The following PTPRM variants were observed in gnomAD, a reference collection of about 807,000 sequenced individuals.
PTPRM encodes receptor-type tyrosine-protein phosphatase mu.
Under a neutral mutation model 186.7 loss-of-function variants are expected in PTPRM, and 47 were observed. The ratio of observed to expected loss-of-function variants is 0.25; its 90% CI spans 0.20 to 0.32. PTPRM has a LOEUF of 0.32. Ranked by LOEUF, PTPRM falls within the 10% of genes least tolerant of loss-of-function variation. PTPRM has a pLI of 1.00. For missense variants in PTPRM, 1,494 were observed against 1,865.0 expected, an observed-to-expected ratio of 0.80 and a Z score of 3.66; for synonymous variants, 668 against 674.9, an observed-to-expected ratio of 0.99 and a Z score of 0.16.
intron 1 of PTPRM, among the ~76,000 whole-genome samples, chr18:7,634,425 A>C (rs770187935): frequency 8.5e-5 from 13 of 152,272 alleles, no homozygotes; most frequent in Non-Finnish European, 1.6e-4. Context: ...CAGGAACCCT[A>C]GCTACACCCA....
At chr18:8,015,817 C>T (rs1287676348) in intron 7 of PTPRM, among the ~76,000 whole-genome samples, 2 of 152,194 alleles carry the variant, frequency 1.3e-5, no homozygotes, top group South Asian at 2.1e-4. Context: ...CTCCCCATCC[C>T]ACACACACAA....
rs1555676946 is a variant in PTPRM, at chr18:7,984,602, T to TACACAC, written c.1132+29210_1132+29215dup. 2.0e-3 allele frequency among the ~76,000 whole-genome samples: 171 copies of TACACAC among 87,144 alleles called. 2 individuals are homozygous for TACACAC. Among genetic ancestry groups the TACACAC allele is most frequent in the African/African-American group, 7.6e-3 (155 of 20,352 alleles). 57.2% of individuals were successfully genotyped at this position (87,144 alleles called of 152,430 possible). The stretch of plus-strand genomic sequence containing the variant: ...ATATATATATATATATATATATATA[T>TACACAC]ACACACACACACACACACACACACA... On this transcript the variant is annotated intron_variant, in intron 7 of 32. Transcript: ENST00000580170.
At chr18:7,726,237 C>T (rs776778513) in intron 1 of PTPRM, among the ~76,000 whole-genome samples, 3 of 152,124 alleles carry the variant, frequency 2.0e-5, no homozygotes, top group East Asian at 3.9e-4. Context: ...ATTTCTCTAA[C>T]GACTAATGAT....
intron 5 of PTPRM, among the ~76,000 whole-genome samples, chr18:7,936,150 G>C (rs1184505590): frequency 6.6e-6 from 1 of 152,166 alleles, no homozygotes; most frequent in African/African-American, 2.4e-5. Context: ...CTGCTGAGCT[G>C]GCAGGGCAGG....
chr18:7,584,169 A>T (rs796344997), intron 1 of PTPRM, among the ~76,000 whole-genome samples: 8 of 152,376 alleles, frequency 5.3e-5, no homozygotes, highest in African/African-American at 1.9e-4. Context: ...TAACAAAAGT[A>T]GAATAAGTGA....
intron 1 of PTPRM, among the ~76,000 whole-genome samples, chr18:7,706,576 T>G (rs1161289395): frequency 8.7e-6 from 1 of 115,006 alleles, no homozygotes; most frequent in Non-Finnish European, 1.6e-5. Context: ...CACTCCAGCC[T>G]GGATGACAGA....
At chr18:8,211,344 G>C (rs1444465063) in intron 14 of PTPRM, among the ~76,000 whole-genome samples, 1 of 150,924 alleles carries the variant, frequency 6.6e-6, no homozygotes, top group East Asian at 1.9e-4. Flanking sequence ...GAGAACCTTG[G>C]GGAATTGGGG....
chr18:7,593,881 G>A (rs1345491183), intron 1 of PTPRM, among the ~76,000 whole-genome samples: 1 of 152,190 alleles, frequency 6.6e-6, no homozygotes, highest in Non-Finnish European at 1.5e-5. Flanking sequence ...GTTTACAAAT[G>A]TGGAGACCAA....
rs57751538 is a variant in PTPRM, at chr18:8,126,027, A to ATATATTTTTTTTT, written c.2167+11201_2167+11202insATATTTTTTTTTT. 1.1e-3 allele frequency among the ~76,000 whole-genome samples: 79 copies of ATATATTTTTTTTT among 69,474 alleles called. 3 individuals are homozygous for ATATATTTTTTTTT. The highest frequency in any genetic ancestry group is 1.7e-3 in the East Asian group (3 of 1,816). 45.6% of individuals were successfully genotyped at this position (69,474 alleles called of 152,430 possible). ...TATATATATATATATATATATATAT[A>ATATATTTTTTTTT]TTTTAAATCAGTAGACCTTTCCATT... On this transcript the variant is annotated intron_variant, in intron 13 of 32. Coordinates refer to ENST00000580170, the MANE Select transcript of PTPRM (RefSeq NM_001105244.2).
chr18:7,722,055 A>G (rs760662382), intron 1 of PTPRM, among the ~76,000 whole-genome samples: 5 of 152,188 alleles, frequency 3.3e-5, no homozygotes, highest in Non-Finnish European at 7.4e-5. Context: ...TGTATATGCT[A>G]TGGGGTTTGA....
rs114466236 is a variant in PTPRM, at chr18:7,773,417, A to G, written c.74-732A>G. ...TCTTTTTTCATTTTTTGGACAAATT[A>G]TAAATGTTTCTTCTTTATTGAAAAC... is the stretch of plus-strand genomic sequence containing the variant. On this transcript the variant is annotated intron_variant, in intron 1 of 32. Coordinates refer to ENST00000580170, the MANE Select transcript of PTPRM (RefSeq NM_001105244.2). Among the ~76,000 whole-genome samples the G allele has an allele frequency of 2.1e-3, 327 of 152,270 alleles. 1 individual carries two copies. The highest frequency in any genetic ancestry group is 6.9e-3 in the African/African-American group (287 of 41,574).
chr18:8,245,047 C>T (rs1412281544), intron 15 of PTPRM, among the ~76,000 whole-genome samples: 9 of 152,118 alleles, frequency 5.9e-5, no homozygotes, highest in Admixed American at 5.2e-4. Flanking sequence ...TTTTAAAGGC[C>T]GGTGGGCCTT....
At chr18:8,266,571 T>C (rs59943563) in intron 19 of PTPRM, among the ~76,000 whole-genome samples, 21,835 of 152,202 alleles carry the variant, frequency 0.14, 1,735 homozygotes, top group Middle Eastern at 0.22. Context: ...TTCCAATTTC[T>C]ATTGTCTCTT....
At chr18:8,147,755 C>G (rs190802436) in intron 14 of PTPRM, among the ~76,000 whole-genome samples, 4 of 152,096 alleles carry the variant, frequency 2.6e-5, no homozygotes, top group African/African-American at 9.7e-5. Context: ...CAACTTTTGC[C>G]CATTCACTAT....
chr18:8,388,205 A>C (rs988733291), intron 31 of PTPRM, among the ~76,000 whole-genome samples: 2 of 152,236 alleles, frequency 1.3e-5, no homozygotes, highest in African/African-American at 4.8e-5. Flanking sequence ...AAGTCACGGC[A>C]GATAAGGAAG....
In PTPRM at chr18:7,640,034, G is replaced by T. The variant is rs932728037; in HGVS notation, c.73+72143G>T. Among the ~76,000 whole-genome samples, 24 of 152,218 alleles carry T rather than the reference G, an allele frequency of 1.6e-4. No homozygotes were observed. In the East Asian group the frequency reaches 4.6e-3, roughly 29 times the overall value. ...TTTTCCAGATAACTTGTTTGGTAGG[G>T]GTTTTAGGGGTGGAGATGGTCTGTA... On this transcript the variant is annotated intron_variant, in intron 1 of 32. Coordinates refer to ENST00000580170, the MANE Select transcript of PTPRM (RefSeq NM_001105244.2).
At chr18:8,254,389 G>A (rs2094555659) in intron 19 of PTPRM, among the ~76,000 whole-genome samples, 1 of 152,240 alleles carries the variant, frequency 6.6e-6, no homozygotes. Flanking sequence ...TTGAGTGGGT[G>A]GTGTGGGGCC....
At chr18:8,235,065 G>A (rs1394526866) in intron 14 of PTPRM, among the ~76,000 whole-genome samples, 1 of 152,096 alleles carries the variant, frequency 6.6e-6, no homozygotes, top group Non-Finnish European at 1.5e-5. Flanking sequence ...AATGTCTTCA[G>A]TTTTGGTATT....
At chr18:7,799,360 A>G (rs2043835217) in intron 2 of PTPRM, among the ~76,000 whole-genome samples, 1 of 152,182 alleles carries the variant, frequency 6.6e-6, no homozygotes, top group Non-Finnish European at 1.5e-5. Flanking sequence ...TCAACTTAGA[A>G]GTTCTAATAT....
Sources: allele counts gnomAD v4.1 joint callset (sites outside exome capture counted in the v4.1 genomes callset), GRCh38; gene constraint gnomAD v4.1.1; transcripts MANE v1.5; gene names NCBI Gene and HGNC (gene_info 2026-07-23, HGNC 2026-07-21).